The following SENP5 variants were observed in gnomAD, a reference collection of about 807,000 sequenced individuals.
The protein encoded by SENP5 is SUMO specific peptidase 5.
A neutral mutation model predicts 74.2 loss-of-function variants in SENP5; 21 were observed. The ratio of observed to expected loss-of-function variants is 0.28; its 90% CI spans 0.20 to 0.41. The LOEUF (loss-of-function observed/expected upper bound fraction) is 0.41. Ranked by LOEUF, SENP5 falls within the 10% of genes least tolerant of loss-of-function variation. The pLI is 1.00. For synonymous variants in SENP5, 311 were observed against 312.7 expected (o/e 0.99, Z 0.06); for missense variants, 717 against 889.1 (o/e 0.81, Z 2.46).
chr3:196,868,921 T>C (rs1282539087), intron 1 of SENP5, among the ~76,000 whole-genome samples: 1 of 133,438 alleles, frequency 7.5e-6, no homozygotes, highest in Non-Finnish European at 1.6e-5. Context: ...CTAAGCTTGG[T>C]ATGGAAAAGG....
intron 1 of SENP5, among the ~76,000 whole-genome samples, chr3:196,875,972 C>T (rs1713447402): frequency 6.6e-6 from 1 of 152,194 alleles, no homozygotes; most frequent in Non-Finnish European, 1.5e-5. Context: ...GATACTCCAC[C>T]TCTGCCTCCC....
At chr3:196,872,000 T>G (rs1431322219) in intron 1 of SENP5, among the ~76,000 whole-genome samples, 1 of 152,244 alleles carries the variant, frequency 6.6e-6, no homozygotes, top group African/African-American at 2.4e-5. Context: ...TCTGCCCGCC[T>G]TGGCCTCCCA....
chr3:196,909,369 T>A (rs899464632), intron 6 of SENP5, among the ~76,000 whole-genome samples: 1 of 152,234 alleles, frequency 6.6e-6, no homozygotes, highest in Non-Finnish European at 1.5e-5. Flanking sequence ...CTGAAACTAT[T>A]TCATAACAAT....
chr3:196,904,099 T>A (rs1714808466), intron 6 of SENP5, among the ~76,000 whole-genome samples: 1 of 152,252 alleles, frequency 6.6e-6, no homozygotes, highest in Non-Finnish European at 1.5e-5. Context: ...TACATGTAAT[T>A]GAAATAATTT....
intron 2 of SENP5, among the ~76,000 whole-genome samples, chr3:196,896,352 C>T (rs750822572): frequency 2.2e-4 from 34 of 152,180 alleles, no homozygotes; most frequent in African/African-American, 7.0e-4. Context: ...TCTGTAGTCA[C>T]GGTACCTACA....
At chr3:196,873,105 G>C (rs898881652) in intron 1 of SENP5, among the ~76,000 whole-genome samples, 5 of 128,418 alleles carry the variant, frequency 3.9e-5, no homozygotes, top group African/African-American at 1.5e-4. Flanking sequence ...ACGGAGTCTC[G>C]CTCTGTTGCC....
At chr3:196,905,417 C>A (rs1714863102) in intron 6 of SENP5, among the ~76,000 whole-genome samples, 1 of 152,126 alleles carries the variant, frequency 6.6e-6, no homozygotes, top group South Asian at 2.1e-4. Context: ...GCTCATGCCT[C>A]AAGAGTGCCC....
At chr3:196,906,058 GA>G in intron 6 of SENP5, among the ~76,000 whole-genome samples, 1 of 152,070 alleles carries the variant, frequency 6.6e-6, no homozygotes, top group African/African-American at 2.4e-5. Flanking sequence ...TGTCTCTACT[GA>G]AAATACAAAA....
chr3:196,892,254 G>T (rs199693216), intron 2 of SENP5, among the ~76,000 whole-genome samples: 1 of 151,794 alleles, frequency 6.6e-6, no homozygotes, highest in Non-Finnish European at 1.5e-5. Context: ...AGCGATTCTC[G>T]TGCCTCAGCC....
chr3:196,900,304 T>G lies in SENP5; in HGVS notation c.1759-61T>G. 3.4e-6 allele frequency: 5 copies of G among 1,490,086 alleles called. No homozygotes were observed. The East Asian group carries it at 9.1e-5, about 27-fold the overall frequency. 92.3% of individuals were successfully genotyped at this position (1,490,086 alleles called of 1,614,324 possible). A position where few individuals can be genotyped will look rare whatever the true frequency, so the allele number is the denominator to read the frequency against. The stretch of plus-strand genomic sequence containing the variant: ...GCCTGGTTTTATTTATTTATTTTGT[T>G]TTTCTTTCTCCAACTTAACTGGCAG... On this transcript the variant is annotated intron_variant, in intron 4 of 9. Transcript: ENST00000323460.
rs1716095797 is a variant in SENP5, at chr3:196,933,013, G to GGTTTT, written c.*2090_*2091insGTTTT. ...GGCTTAGACTAAATGTTGAGTTTGG[G>GGTTTT]TTTTTTGTTTTTTTTTTTTTTTGAG... On this transcript the variant is annotated 3_prime_UTR_variant, in exon 10 of 10. Coordinates refer to ENST00000323460, the MANE Select transcript of SENP5 (RefSeq NM_152699.5). 1 of 112,182 alleles carries GGTTTT rather than the reference G, an allele frequency of 8.9e-6. No homozygotes were observed. Among genetic ancestry groups the GGTTTT allele is most frequent in the Admixed American group, 1.1e-4 (1 of 8,776 alleles). The allele number at this position is 112,182 out of a possible 1,614,324, so 6.9% of individuals were successfully genotyped here. A position where few individuals can be genotyped will look rare whatever the true frequency, so the allele number is the denominator to read the frequency against.
intron 1 of SENP5, among the ~76,000 whole-genome samples, chr3:196,876,978 A>T (rs987410962): frequency 1.3e-5 from 2 of 152,168 alleles, no homozygotes; most frequent in East Asian, 1.9e-4. Context: ...CAAACCGTGG[A>T]ATCATATTGG....
At chr3:196,923,623 A>C in intron 7 of SENP5, 72 bp downstream of exon 7, 1 of 1,041,312 alleles carries the variant, frequency 9.6e-7, no homozygotes, top group African/African-American at 1.6e-5. Flanking sequence ...TCTAGATAGA[A>C]CAGCAGCAGT....
chr3:196,885,118 GA>G, intron 1 of SENP5, 32 bp from the exon 2 acceptor site: 2 of 1,298,894 alleles, frequency 1.5e-6, no homozygotes, highest in Non-Finnish European at 2.1e-6. Context: ...CTTATTTTTA[GA>G]TAGAAATATA....
rs1184874625 is a variant in SENP5, at chr3:196,903,696, A to C, written c.1884+86A>C. The C allele has an allele frequency of 5.7e-6, 4 of 697,596 alleles. No individual in the cohort carries two copies. In the Admixed American group the frequency reaches 1.2e-4, roughly 20 times the overall value. The allele number at this position is 697,596 out of a possible 1,614,324, so 43.2% of individuals were successfully genotyped here. On this transcript the variant is annotated intron_variant, in intron 6 of 9. Transcript: ENST00000323460. ...TGGAAGGATAAGTACTTTAATGCCA[A>C]TACGATGTTAAGTAGAAACAGACTT...
intron 5 of SENP5, among the ~76,000 whole-genome samples, chr3:196,901,416 T>G (rs1208427186): frequency 6.6e-6 from 1 of 152,214 alleles, no homozygotes; most frequent in African/African-American, 2.4e-5. Context: ...TCATTTTTCC[T>G]TAGATAAATC....
intron 5 of SENP5, among the ~76,000 whole-genome samples, chr3:196,903,302 G>A (rs1714774713): frequency 6.6e-6 from 1 of 152,064 alleles, no homozygotes; most frequent in South Asian, 2.1e-4. Flanking sequence ...ACCACGCCCG[G>A]CTAATTTTTG....
chr3:196,911,493 G>A (rs865915361), intron 6 of SENP5, among the ~76,000 whole-genome samples: 4 of 151,520 alleles, frequency 2.6e-5, no homozygotes, highest in Middle Eastern at 3.4e-3. Flanking sequence ...GGAAGTGGAA[G>A]TTGCAGTGAG....
intron 1 of SENP5, among the ~76,000 whole-genome samples, chr3:196,875,950 C>T (rs1713446325): frequency 6.6e-6 from 1 of 152,084 alleles, no homozygotes; most frequent in South Asian, 2.1e-4. Context: ...TCTTGAAATC[C>T]TGGGCTCAAG....
Sources: allele counts gnomAD v4.1 joint callset (sites outside exome capture counted in the v4.1 genomes callset), GRCh38; gene constraint gnomAD v4.1.1; transcripts MANE v1.5; gene names NCBI Gene and HGNC (gene_info 2026-07-23, HGNC 2026-07-21).